Variants in GALNT14 observed in about 807,000 individuals in gnomAD.
GALNT14 encodes UDP-GalNAc:polypeptide N-acetylgalactosaminyltransferase 14.
Under a neutral mutation model 77.5 loss-of-function variants are expected in GALNT14, and 60 were observed. That is an observed-to-expected ratio of 0.77 (90% confidence interval 0.63 to 0.96). GALNT14 has a LOEUF of 0.96. GALNT14 is among the 40% of genes least tolerant of loss of function. The pLI is 0.00. For synonymous variants in GALNT14, 280 were observed against 281.7 expected (o/e 0.99, Z 0.06); for missense variants, 710 against 731.0 (o/e 0.97, Z 0.33).
At chr2:30,944,386 C>T (rs1460943058) in intron 8 of GALNT14, among the ~76,000 whole-genome samples, 1 of 152,220 alleles carries the variant, frequency 6.6e-6, no homozygotes, top group Non-Finnish European at 1.5e-5. Context: ...CCACTGTCAT[C>T]TTCCTGCAGA....
At chr2:31,035,057 T>C (rs183604551) in intron 1 of GALNT14, among the ~76,000 whole-genome samples, 17 of 152,356 alleles carry the variant, frequency 1.1e-4, no homozygotes, top group Admixed American at 2.0e-4. Context: ...CTTTAGAAGA[T>C]ATAGTCTGCT....
intron 1 of GALNT14, among the ~76,000 whole-genome samples, chr2:31,111,840 A>C (rs573846232): frequency 6.6e-6 from 1 of 151,796 alleles, no homozygotes; most frequent in Non-Finnish European, 1.5e-5. Context: ...TCCTCCTTTT[A>C]CTACATCTTG....
At chr2:31,045,156 A>G (rs977088033) in intron 1 of GALNT14, among the ~76,000 whole-genome samples, 4 of 152,304 alleles carry the variant, frequency 2.6e-5, no homozygotes, top group Middle Eastern at 3.4e-3. Context: ...GGATATGAGC[A>G]GCATCCATGA....
chr2:30,898,366 C>T, the GALNT14 span, among the ~76,000 whole-genome samples: 34 of 152,206 alleles, frequency 2.2e-4, no homozygotes, highest in African/African-American at 7.2e-4. Context: ...CCCTGCCCTC[C>T]GCTCTGGGAC....
rs541131243 is a variant in GALNT14, at chr2:31,042,732, C to T, written c.130-49725G>A. Among the ~76,000 whole-genome samples, 48 of 152,312 alleles carry T rather than the reference C, an allele frequency of 3.2e-4. No homozygotes were observed. In the South Asian group the frequency reaches 3.9e-3, roughly 12 times the overall value. On this transcript the variant is annotated intron_variant, in intron 1 of 14. Transcript: ENST00000349752. Reference sequence around the variant, plus strand: ...TCTTGCTTCAAAGCATATCCAGTATCTGACTCTTCTCGCCACCTCCGCTGC... The same window carrying T: ...TCTTGCTTCAAAGCATATCCAGTATTTGACTCTTCTCGCCACCTCCGCTGC...
intron 1 of GALNT14, among the ~76,000 whole-genome samples, chr2:31,127,557 A>G (rs1448922688): frequency 6.6e-6 from 1 of 152,180 alleles, no homozygotes; most frequent in Non-Finnish European, 1.5e-5. Flanking sequence ...CAAAACAAAA[A>G]TACTTACTGG....
intron 1 of GALNT14, among the ~76,000 whole-genome samples, chr2:31,115,527 G>T (rs1019478997): frequency 2.6e-5 from 4 of 152,192 alleles, no homozygotes; most frequent in African/African-American, 9.7e-5. Flanking sequence ...ATCTAATTAG[G>T]TAATATTAAA....
At chr2:31,112,988 A>C (rs1419396718) in intron 1 of GALNT14, among the ~76,000 whole-genome samples, 1 of 152,218 alleles carries the variant, frequency 6.6e-6, no homozygotes, top group Non-Finnish European at 1.5e-5. Flanking sequence ...TTCTAGAAAC[A>C]CTTCCCAATG....
chr2:31,078,389 T>C (rs1422204600), intron 1 of GALNT14, among the ~76,000 whole-genome samples: 1 of 152,174 alleles, frequency 6.6e-6, no homozygotes, highest in Non-Finnish European at 1.5e-5. Context: ...CCCCTCTTAA[T>C]GGGCCTTCCC....
chr2:31,058,376 C>T (rs547189149), intron 1 of GALNT14, among the ~76,000 whole-genome samples: 166 of 152,200 alleles, frequency 1.1e-3, no homozygotes, highest in Admixed American at 2.3e-3. Flanking sequence ...AGGGCGTTCT[C>T]GGTGAGTCTG....
chr2:31,026,496 T>C (rs1351521983), intron 1 of GALNT14, among the ~76,000 whole-genome samples: 1 of 152,202 alleles, frequency 6.6e-6, no homozygotes, highest in Non-Finnish European at 1.5e-5. Flanking sequence ...TGCCCTGCCC[T>C]GGCTCAGAGA....
chr2:31,112,110 G>A (rs1677868968), intron 1 of GALNT14, among the ~76,000 whole-genome samples: 1 of 151,966 alleles, frequency 6.6e-6, no homozygotes, highest in Non-Finnish European at 1.5e-5. Context: ...CCCTGGGAAA[G>A]GCTGGTGGTC....
chr2:31,127,196 T>C (rs962200581), intron 1 of GALNT14, among the ~76,000 whole-genome samples: 1 of 152,226 alleles, frequency 6.6e-6, no homozygotes, highest in Admixed American at 6.5e-5. Flanking sequence ...TCCAGTCAGT[T>C]ACCCCAACCC....
intron 1 of GALNT14, among the ~76,000 whole-genome samples, chr2:31,085,114 C>T (rs926882202): frequency 6.6e-6 from 1 of 152,124 alleles, no homozygotes; most frequent in Non-Finnish European, 1.5e-5. Flanking sequence ...CATTCAAGCA[C>T]ATTTGCTAAG....
intron 1 of GALNT14, among the ~76,000 whole-genome samples, chr2:31,009,258 A>G (rs1196500185): frequency 1.3e-5 from 2 of 152,142 alleles, no homozygotes; most frequent in Non-Finnish European, 2.9e-5. Flanking sequence ...CTAAGGCACA[A>G]TTTGGCACAT....
intron 1 of GALNT14, among the ~76,000 whole-genome samples, chr2:31,071,966 G>A (rs943050589): frequency 1.3e-5 from 2 of 152,204 alleles, no homozygotes; most frequent in African/African-American, 4.8e-5. Flanking sequence ...GCAACCACCA[G>A]TGGAGACGGT....
chr2:30,956,022 C>T (rs1667349040), intron 4 of GALNT14, 45 bp from the exon 5 acceptor site: 1 of 1,597,582 alleles, frequency 6.3e-7, no homozygotes, highest in African/African-American at 1.3e-5. Context: ...CAGGGATGGA[C>T]CTACGTGTTA....
chr2:30,955,759 A>T lies in GALNT14; in HGVS notation c.533-20T>A. On this transcript the variant is annotated intron_variant, in intron 5 of 14. Transcript: ENST00000349752. ...CCAGACCTGCAGTCAGGAACAAATGACGAAGTGGGTGCCACTGTCACTCCA... is the reference window on the plus strand; with the variant it reads ...CCAGACCTGCAGTCAGGAACAAATGTCGAAGTGGGTGCCACTGTCACTCCA... 6.2e-7 allele frequency: 1 copy of T among 1,613,640 alleles called. No individual in the cohort carries two copies. Among genetic ancestry groups the T allele is most frequent in the Non-Finnish European group, 8.5e-7 (1 of 1,179,892 alleles).
chr2:31,071,563 G>A (rs1363309821), intron 1 of GALNT14, among the ~76,000 whole-genome samples: 2 of 152,068 alleles, frequency 1.3e-5, no homozygotes, highest in Non-Finnish European at 2.9e-5. Context: ...CCAAAGTGGT[G>A]GAGGCACTGT....
Sources: allele counts gnomAD v4.1 joint callset (sites outside exome capture counted in the v4.1 genomes callset), GRCh38; gene constraint gnomAD v4.1.1; transcripts MANE v1.5; gene names NCBI Gene and HGNC (gene_info 2026-07-23, HGNC 2026-07-21).